The following OGDH variants were observed in gnomAD, a reference collection of about 807,000 sequenced individuals.
The protein encoded by OGDH is oxoglutarate dehydrogenase.
Under a neutral mutation model 116.6 loss-of-function variants are expected in OGDH, and 38 were observed. The ratio of observed to expected loss-of-function variants is 0.33; its 90% CI spans 0.25 to 0.43. The LOEUF (loss-of-function observed/expected upper bound fraction) is 0.43, where lower values mean the gene tolerates loss of function less well. OGDH is among the 20% of genes least tolerant of loss of function. The probability of loss-of-function intolerance (pLI) is 1.00; values close to 1 mark genes in which losing one functional copy is unlikely to be tolerated. For missense variants in OGDH, 825 were observed against 1,357.2 expected (o/e 0.61, Z 6.16); for synonymous variants, 488 against 533.3 (o/e 0.92, Z 1.17).
chr7:44,634,146 G>A (rs1785564709), intron 2 of OGDH, among the ~76,000 whole-genome samples: 1 of 152,266 alleles, frequency 6.6e-6, no homozygotes, highest in Admixed American at 6.5e-5. Context: ...GTGTCTGGCA[G>A]TTTGTGCTGG....
intron 2 of OGDH, among the ~76,000 whole-genome samples, chr7:44,632,625 A>G (rs200580211): frequency 7.7e-4 from 94 of 121,662 alleles, no homozygotes; most frequent in African/African-American, 3.4e-3. Flanking sequence ...TGTTGTTGTT[A>G]TTGTTGTTTT....
chr7:44,642,940 TA>T (rs1488382644), intron 2 of OGDH, among the ~76,000 whole-genome samples: 2 of 151,584 alleles, frequency 1.3e-5, no homozygotes, highest in African/African-American at 4.8e-5. Context: ...AAAAAATTTT[TA>T]AATATAATTC....
At chr7:44,658,517 G>A (rs1384733090) in intron 4 of OGDH, among the ~76,000 whole-genome samples, 2 of 146,820 alleles carry the variant, frequency 1.4e-5, no homozygotes, top group African/African-American at 2.5e-5. Flanking sequence ...TCTGAAAATA[G>A]GAAGTTATTT....
intron 9 of OGDH, 73 bp from the exon 10 acceptor site, chr7:44,681,647 C>A: frequency 1.3e-6 from 2 of 1,527,476 alleles, no homozygotes; most frequent in Non-Finnish European, 8.9e-7. Context: ...ACAAATGATG[C>A]ATTTCCTCTG....
intron 7 of OGDH, 115 bp from the exon 8 acceptor site, chr7:44,675,063 C>T: frequency 1.3e-6 from 1 of 794,760 alleles, no homozygotes; most frequent in South Asian, 1.5e-5. Context: ...GGGCTGCAAA[C>T]CGAGGAGGTG....
At chr7:44,658,184 C>A (rs76407940) in intron 4 of OGDH, among the ~76,000 whole-genome samples, 2,355 of 151,956 alleles carry the variant, frequency 0.015, 64 homozygotes, top group African/African-American at 0.054. Flanking sequence ...ACCTATAGAT[C>A]CATTTAGGGA....
chr7:44,619,139 A>G (rs574530314), intron 1 of OGDH, among the ~76,000 whole-genome samples: 1 of 152,268 alleles, frequency 6.6e-6, no homozygotes, highest in East Asian at 1.9e-4. Flanking sequence ...CCCATCCTAC[A>G]CCTTGACCTG....
intron 9 of OGDH, among the ~76,000 whole-genome samples, chr7:44,679,421 C>T (rs1461697563): frequency 6.6e-6 from 1 of 152,156 alleles, no homozygotes; most frequent in African/African-American, 2.4e-5. Context: ...CTGCCACATC[C>T]ACCAAAAGGC....
At position 44,697,461 on chromosome 7, in the gene OGDH, G is replaced by C; in HGVS notation, c.2143G>C (p.Val715Leu). Residue 715 changes from valine to leucine, a missense_variant, in exon 16 of 23, where the codon GTG becomes CTG. By Grantham distance (32) the Val-to-Leu change is conservative. Transcript: ENST00000222673. This position sits in a 1 kb window ranked among gnomAD's most constrained non-coding sequence, Gnocchi z 6.0. The part of the protein sequence containing the change: ...HLWPNQAPYT[V>L]CNSSLSEYGV... ...CTGGCCCAATCAGGCCCCCTATACT[G>C]TGTGCAACAGCTCACTGTCTGAGTA... The C allele has an allele frequency of 1.2e-6, 2 of 1,614,170 alleles. No homozygotes were observed. The highest frequency in any genetic ancestry group is 1.7e-6 in the Non-Finnish European group (2 of 1,180,046).
intron 1 of OGDH, among the ~76,000 whole-genome samples, chr7:44,609,339 CA>C (rs1185554089): frequency 0.11 from 8,702 of 81,442 alleles, 230 homozygotes; most frequent in East Asian, 0.18. Flanking sequence ...CTCGTCTCTA[CA>C]AAAAAAAAAA....
At chr7:44,632,674 A>G (rs1026565566) in intron 2 of OGDH, among the ~76,000 whole-genome samples, 36 of 151,960 alleles carry the variant, frequency 2.4e-4, no homozygotes, top group Non-Finnish European at 4.3e-4. Flanking sequence ...CTAGAGTGCA[A>G]TGGCACGATC....
intron 1 of OGDH, chr7:44,622,859 A>G (rs1035347199): frequency 1.3e-5 from 2 of 152,152 alleles, no homozygotes; most frequent in Non-Finnish European, 1.5e-5. Flanking sequence ...TTAGTAGCCT[A>G]TGACCTTGGA....
At chr7:44,608,688 T>G (rs897667311) in intron 1 of OGDH, among the ~76,000 whole-genome samples, 1 of 151,398 alleles carries the variant, frequency 6.6e-6, no homozygotes, top group Non-Finnish European at 1.5e-5. Context: ...GCCACGGCAC[T>G]ACAGCCTGAG....
At chr7:44,671,807 C>T (rs1235185933) in intron 5 of OGDH, among the ~76,000 whole-genome samples, 2 of 149,272 alleles carry the variant, frequency 1.3e-5, no homozygotes, top group African/African-American at 2.5e-5. Context: ...CGGTGGCTCA[C>T]GCCTGTAATC....
chr7:44,642,264 T>A (rs995591457), intron 2 of OGDH, among the ~76,000 whole-genome samples: 10 of 151,906 alleles, frequency 6.6e-5, no homozygotes, highest in African/African-American at 9.7e-5. Flanking sequence ...AAAAAATATT[T>A]AGTAAAAAAA....
intron 10 of OGDH, among the ~76,000 whole-genome samples, chr7:44,689,780 T>G (rs2116310850): frequency 6.6e-6 from 1 of 152,270 alleles, no homozygotes; most frequent in Non-Finnish European, 1.5e-5. Context: ...GTTGTAAGAG[T>G]TCTTTATATA....
intron 20 of OGDH, 113 bp downstream of exon 20, chr7:44,701,728 C>T: frequency 9.1e-7 from 1 of 1,098,022 alleles, no homozygotes; most frequent in East Asian, 2.5e-5. Context: ...CTGGCTCTTG[C>T]CAGATTTTTG....
chr7:44,708,098 C>G lies in OGDH; in HGVS notation c.*99C>G. ...AGTGCCTCAGCGCTGCCCACACCAC[C>G]GCCCTCCTCGCTGTGCCACCACCCC... On this transcript the variant is annotated 3_prime_UTR_variant, in exon 23 of 23. Transcript: ENST00000222673. 1 of 1,459,996 alleles carries G rather than the reference C, an allele frequency of 6.8e-7. No individual in the cohort carries two copies. Among genetic ancestry groups the G allele is most frequent in the African/African-American group, 1.4e-5 (1 of 71,562 alleles). 90.4% of individuals were successfully genotyped at this position (1,459,996 alleles called of 1,614,324 possible).
At chr7:44,627,245 T>G (rs1785243202) in intron 2 of OGDH, among the ~76,000 whole-genome samples, 2 of 152,250 alleles carry the variant, frequency 1.3e-5, no homozygotes, top group Admixed American at 1.3e-4. Context: ...TCCGCCTGCC[T>G]TGGCCTCCCA....
Sources: allele counts gnomAD v4.1 joint callset (sites outside exome capture counted in the v4.1 genomes callset), GRCh38; gene constraint gnomAD v4.1.1; non-coding constraint Gnocchi (gnomAD v3.1); transcripts MANE v1.5; gene names NCBI Gene and HGNC (gene_info 2026-07-23, HGNC 2026-07-21).